Variants in LTBP1 observed in about 807,000 individuals in gnomAD.
The protein encoded by LTBP1 is latent transforming growth factor beta binding protein 1.
A neutral mutation model predicts 207.6 loss-of-function variants in LTBP1; 129 were observed. The ratio of observed to expected loss-of-function variants is 0.62; its 90% CI spans 0.54 to 0.72. The LOEUF (loss-of-function observed/expected upper bound fraction) is 0.72. LTBP1 is among the 30% of genes least tolerant of loss of function. The pLI is 0.00. For synonymous variants in LTBP1, 963 were observed against 833.7 expected (o/e 1.16, Z -2.67); for missense variants, 2,281 against 2,217.2 (o/e 1.03, Z -0.58).
intron 3 of LTBP1, among the ~76,000 whole-genome samples, chr2:33,091,529 C>T (rs184645624): frequency 5.5e-4 from 83 of 152,264 alleles, no homozygotes; most frequent in African/African-American, 1.9e-3. Flanking sequence ...TCTCTGTTCT[C>T]TCTTTTATCT....
At chr2:33,056,410 G>A (rs1420056177) in intron 3 of LTBP1, 2 of 1,124,956 alleles carry the variant, frequency 1.8e-6, no homozygotes, top group Non-Finnish European at 2.4e-6. Context: ...ATGCCGCCCT[G>A]GGCGATGGTG....
intron 10 of LTBP1, 66 bp downstream of exon 10, chr2:33,243,850 G>A (rs1243283303): frequency 9.5e-6 from 15 of 1,575,316 alleles, no homozygotes; most frequent in African/African-American, 6.8e-5. Context: ...CCAAAAGAAC[G>A]GAAATACTCA....
chr2:33,315,986 C>G (rs1558999481), intron 24 of LTBP1, among the ~76,000 whole-genome samples: 1 of 152,192 alleles, frequency 6.6e-6, no homozygotes, highest in Non-Finnish European at 1.5e-5. Flanking sequence ...TCACTGTGAA[C>G]AGATCTTCTA....
intron 31 of LTBP1, among the ~76,000 whole-genome samples, chr2:33,387,999 T>C (rs1387999251): frequency 6.6e-6 from 1 of 152,198 alleles, no homozygotes; most frequent in African/African-American, 2.4e-5. Context: ...CCCCAGAATT[T>C]CACCAACTGC....
At chr2:33,114,958 A>G (rs2080644161) in intron 4 of LTBP1, among the ~76,000 whole-genome samples, 1 of 152,026 alleles carries the variant, frequency 6.6e-6, no homozygotes, top group Non-Finnish European at 1.5e-5. Context: ...GTTCATAGCA[A>G]CATTATTTGT....
chr2:33,305,194 T>A (rs1242320428), intron 22 of LTBP1, among the ~76,000 whole-genome samples: 1 of 151,526 alleles, frequency 6.6e-6, no homozygotes, highest in Non-Finnish European at 1.5e-5. Flanking sequence ...TGTGGCGGCG[T>A]GTGCCTGTAG....
chr2:33,387,102 G>A (rs929642700), intron 31 of LTBP1, among the ~76,000 whole-genome samples: 3 of 152,086 alleles, frequency 2.0e-5, no homozygotes, highest in African/African-American at 7.2e-5. Context: ...GAGCCACCAT[G>A]CCCGGCCGAC....
At position 33,300,454 on chromosome 2, in the gene LTBP1, T is replaced by C. The variant is rs375178798; in HGVS notation, c.3239T>C (p.Ile1080Thr). Residue 1080 changes from isoleucine (I) to threonine (T), a missense_variant, in exon 21 of 34, where the codon ATT (isoleucine) becomes ACT (threonine). By Grantham distance (89) the Ile-to-Thr change is moderately conservative (BLOSUM62 -1). Coordinates refer to ENST00000404816, the MANE Select transcript of LTBP1 (RefSeq NM_206943.4). Reference protein sequence around the residue: ...RTPDHKHCRDIDECQQGNLCV... With the variant: ...RTPDHKHCRDTDECQQGNLCV... ...ATTGCCGTTGTTGTGTTTGCAGATA[T>C]TGATGAATGTCAGCAAGGGAATCTA... The C allele has an allele frequency of 1.0e-4, 164 of 1,612,932 alleles. No homozygotes were observed. The highest frequency in any genetic ancestry group is 5.5e-4 in the African/African-American group (41 of 75,026).
In LTBP1 at chr2:33,110,732, A is replaced by G. The variant is rs763486853; in HGVS notation, c.1014A>G (p.Gln338=). ...GSFPLRYVQD[Q]VAAPFQLSNH... is the part of the protein sequence containing the mutation. ...TCCCTTTAAGATATGTGCAGGATCAAGTTGCGGCACCTTTTCAGCGTGAGT... is the reference window on the plus strand; with the variant it reads ...TCCCTTTAAGATATGTGCAGGATCAGGTTGCGGCACCTTTTCAGCGTGAGT... Residue 338 remains glutamine, a synonymous_variant, in exon 4 of 34, where the codon CAA becomes CAG. Transcript: ENST00000404816. The G allele has an allele frequency of 6.2e-7, 1 of 1,614,036 alleles. No homozygotes were observed. The highest frequency in any genetic ancestry group is 1.1e-5 in the South Asian group (1 of 91,016).
chr2:32,968,312 C>T (rs1170669229), intron 2 of LTBP1, among the ~76,000 whole-genome samples: 2 of 152,098 alleles, frequency 1.3e-5, no homozygotes, highest in South Asian at 2.1e-4. Flanking sequence ...TCATTAGGTG[C>T]GTACACATTA....
chr2:33,364,339 G>A lies in LTBP1; in HGVS notation c.4523G>A (p.Arg1508Gln), dbSNP rs776305062. ...VLDASEKRCI[R>Q]PAESNEQIEE... ...GATGCGTCAGAAAAAAGATGTATAC[G>A]ACCGGCTGAGTCAAACGGTATGTTT... Residue 1508 changes from arginine (R) to glutamine (Q), a missense_variant, in exon 30 of 34, where the codon CGA becomes CAA. By Grantham distance (43) the Arg-to-Gln change is conservative. Coordinates refer to ENST00000404816, the MANE Select transcript of LTBP1 (RefSeq NM_206943.4). 27 of 1,613,404 alleles carry A rather than the reference G, an allele frequency of 1.7e-5. No individual in the cohort carries two copies. In the South Asian group the frequency reaches 2.1e-4, roughly 13 times the overall value.
chr2:33,367,707 T>C lies in LTBP1; in HGVS notation c.4711+2204T>C, dbSNP rs534221745. ...TTTATTCTTGGTTACGGCTTAGTGG[T>C]ATTACATGGATAAAGAAATTTTCTT... On this transcript the variant is annotated intron_variant, in intron 31 of 33. Coordinates refer to ENST00000404816, the MANE Select transcript of LTBP1 (RefSeq NM_206943.4). Among the ~76,000 whole-genome samples, 6 of 152,304 alleles carry C rather than the reference T, an allele frequency of 3.9e-5. No homozygotes were observed. The South Asian group carries it at 1.2e-3, about 32-fold the overall frequency.
intron 9 of LTBP1, among the ~76,000 whole-genome samples, chr2:33,230,415 A>G (rs1181572836): frequency 6.6e-6 from 1 of 152,092 alleles, no homozygotes; most frequent in Non-Finnish European, 1.5e-5. Context: ...CAAAGGGATG[A>G]TTTATTACAT....
intron 3 of LTBP1, among the ~76,000 whole-genome samples, chr2:33,074,282 C>T (rs1432627504): frequency 6.6e-6 from 1 of 152,204 alleles, no homozygotes; most frequent in East Asian, 1.9e-4. Context: ...AATGCAGCAG[C>T]AATGATTATT....
chr2:33,293,212 C>T lies in LTBP1; in HGVS notation c.3165C>T (p.Asn1055=). ...PNVCANGDCS[N]LEGSYMCSCH... ...TCTGCGCAAATGGTGATTGTTCCAACCTTGAAGGCTCCTACATGTGTTCAT... is the reference window on the plus strand; with the variant it reads ...TCTGCGCAAATGGTGATTGTTCCAATCTTGAAGGCTCCTACATGTGTTCAT... The change falls in exon 20 of 34, where the codon AAC becomes AAT. Residue 1055 remains asparagine (N), a synonymous_variant. Coordinates refer to ENST00000404816, the MANE Select transcript of LTBP1 (RefSeq NM_206943.4). 1 of 1,614,074 alleles carries T rather than the reference C, an allele frequency of 6.2e-7. No homozygotes were observed.
At chr2:33,076,823 C>A (rs2078108472) in intron 3 of LTBP1, among the ~76,000 whole-genome samples, 1 of 27,256 alleles carries the variant, frequency 3.7e-5, no homozygotes, top group Non-Finnish European at 1.2e-3. Context: ...GCATGAGCCA[C>A]CGCGCCCAGA....
At chr2:33,109,576 G>A (rs2080270407) in intron 3 of LTBP1, among the ~76,000 whole-genome samples, 1 of 152,162 alleles carries the variant, frequency 6.6e-6, no homozygotes, top group African/African-American at 2.4e-5. Flanking sequence ...AACAAGGGTT[G>A]GGCCAGGAGG....
In LTBP1 at chr2:32,947,471, G is replaced by A. The variant is rs1676354697; in HGVS notation, c.147G>A (p.Pro49=). The change falls in exon 1 of 34, where the codon CCG becomes CCA. Residue 49 remains proline (P), a synonymous_variant. Transcript: ENST00000404816. ...AAGALPLSGP[P]RSRTFNVALN... The stretch of plus-strand genomic sequence containing the variant: ...GCGCCTTGCCCCTGAGCGGGCCCCC[G>A]CGTTCGCGGACATTCAACGTCGCGC... 2.1e-6 allele frequency: 3 copies of A among 1,444,200 alleles called. No homozygotes were observed. The highest frequency in any genetic ancestry group is 9.1e-7 in the Non-Finnish European group (1 of 1,101,892). 89.5% of individuals were successfully genotyped at this position (1,444,200 alleles called of 1,614,324 possible).
At chr2:33,171,170 C>T (rs1243879543) in intron 5 of LTBP1, among the ~76,000 whole-genome samples, 3 of 129,680 alleles carry the variant, frequency 2.3e-5, no homozygotes, top group Non-Finnish European at 5.1e-5. Flanking sequence ...ATGACTTTGA[C>T]GAGTTGAGAG....
Sources: allele counts gnomAD v4.1 joint callset (sites outside exome capture counted in the v4.1 genomes callset), GRCh38; gene constraint gnomAD v4.1.1; transcripts MANE v1.5; gene names NCBI Gene and HGNC (gene_info 2026-07-23, HGNC 2026-07-21).